CAST: variants seen among roughly 807,000 people sequenced by gnomAD.
CAST encodes the protein calpastatin, also known as MIR583 host.
CAST carries 76 observed loss-of-function variants against 119.6 expected under a neutral mutation model. That is an observed-to-expected ratio of 0.64 (90% confidence interval 0.53 to 0.77). The LOEUF (loss-of-function observed/expected upper bound fraction) is 0.77, where lower values mean the gene tolerates loss of function less well. CAST is among the 30% of genes least tolerant of loss of function. The pLI is 0.00. For missense variants in CAST, 953 were observed against 946.5 expected (o/e 1.01, Z -0.09); for synonymous variants, 319 against 331.6 (o/e 0.96, Z 0.41).
the CAST span, among the ~76,000 whole-genome samples, chr5:96,518,164 ATAG>A: frequency 2.0e-5 from 3 of 152,236 alleles, no homozygotes; most frequent in Non-Finnish European, 4.4e-5. Context: ...AGAAAAAAAC[ATAG>A]TAGTGAAGAC....
intron 1 of CAST, among the ~76,000 whole-genome samples, chr5:96,575,561 G>A (rs532200050): frequency 2.0e-5 from 3 of 152,066 alleles, no homozygotes; most frequent in Admixed American, 1.3e-4. Flanking sequence ...CTATCAAAAT[G>A]TGGTAATTCT....
chr5:96,398,838 A>T, the CAST span: 1 of 1,501,968 alleles, frequency 6.7e-7, no homozygotes, highest in East Asian at 2.3e-5. Flanking sequence ...CATTCAACTT[A>T]CACTTAAAAA....
rs1303914779 is a variant in CAST, at chr5:96,535,998, A to G, written c.60+6118A>G. Among the ~76,000 whole-genome samples the G allele has an allele frequency of 3.7e-5, 5 of 133,668 alleles. No homozygotes were observed. The South Asian group carries it at 7.4e-4, about 20-fold the overall frequency. The allele number at this position is 133,668 out of a possible 152,430, so 87.7% of individuals were successfully genotyped here. A position where few individuals can be genotyped will look rare whatever the true frequency, so the allele number is the denominator to read the frequency against. ...TTTAGTACATTTAAATCTTTTAACTATATGTTAAATAACCATATGTTAAAT... is the reference window on the plus strand; with the variant it reads ...TTTAGTACATTTAAATCTTTTAACTGTATGTTAAATAACCATATGTTAAAT... On this transcript the variant is annotated intron_variant, in intron 1 of 11. Transcript: ENST00000505143.
chr5:96,569,895 G>A (rs917152653), intron 1 of CAST, among the ~76,000 whole-genome samples: 1 of 152,102 alleles, frequency 6.6e-6, no homozygotes, highest in African/African-American at 2.4e-5. Context: ...CATCTGATTC[G>A]GCAGGGGTTT....
At chr5:96,087,817 A>G in the CAST span, among the ~76,000 whole-genome samples, 1 of 152,130 alleles carries the variant, frequency 6.6e-6, no homozygotes, top group African/African-American at 2.4e-5. Context: ...AGCAACCTCT[A>G]CCCAGCAACC....
At chr5:96,054,446 C>G in the CAST span, among the ~76,000 whole-genome samples, 2 of 151,956 alleles carry the variant, frequency 1.3e-5, no homozygotes, top group Non-Finnish European at 2.9e-5. Flanking sequence ...CCTTCTCCTT[C>G]CAGTTTTATT....
the CAST span, among the ~76,000 whole-genome samples, chr5:96,286,043 A>G: frequency 6.6e-6 from 1 of 152,300 alleles, no homozygotes; most frequent in East Asian, 1.9e-4. Flanking sequence ...TTATTTTAAC[A>G]TAGAAACAGA....
At chr5:96,666,778 T>C (rs946544519) in intron 1 of CAST, among the ~76,000 whole-genome samples, 16 of 152,196 alleles carry the variant, frequency 1.1e-4, no homozygotes, top group African/African-American at 3.9e-4. Context: ...AGGTTAATTA[T>C]ATTCTACAGG....
chr5:96,690,345 C>G (rs1752587306), intron 2 of CAST, among the ~76,000 whole-genome samples: 1 of 152,130 alleles, frequency 6.6e-6, no homozygotes, highest in South Asian at 2.1e-4. Context: ...GATTCTCCTA[C>G]CTCAGCCTCC....
intron 13 of CAST, 39 bp from the exon 14 acceptor site, chr5:96,741,227 C>A: frequency 1.8e-6 from 2 of 1,104,094 alleles, no homozygotes; most frequent in Non-Finnish European, 2.8e-6. Context: ...CACTTGAGTG[C>A]TTCCCGTAAG....
the CAST span, among the ~76,000 whole-genome samples, chr5:96,104,374 C>T: frequency 4.6e-5 from 7 of 152,252 alleles, no homozygotes; most frequent in South Asian, 6.2e-4. Context: ...TTAGGTCTAA[C>T]GTTTAAGTAT....
chr5:96,188,551 A>G, the CAST span, among the ~76,000 whole-genome samples: 1 of 151,972 alleles, frequency 6.6e-6, no homozygotes, highest in East Asian at 1.9e-4. Flanking sequence ...TGTCTATCCC[A>G]TTTCTTGTTT....
chr5:96,172,702 A>G, the CAST span, among the ~76,000 whole-genome samples: 1 of 152,212 alleles, frequency 6.6e-6, no homozygotes, highest in Non-Finnish European at 1.5e-5. Context: ...CTGAGTTGCA[A>G]ACAGATCCCT....
the CAST span, among the ~76,000 whole-genome samples, chr5:96,483,949 G>T: frequency 6.6e-6 from 1 of 152,090 alleles, no homozygotes; most frequent in Non-Finnish European, 1.5e-5. Context: ...GCAGCCTCTT[G>T]ACCGCCTATG....
At chr5:96,427,165 A>G in the CAST span, among the ~76,000 whole-genome samples, 2 of 152,216 alleles carry the variant, frequency 1.3e-5, no homozygotes, top group African/African-American at 4.8e-5. Context: ...GATTTGAAAG[A>G]ATATTATCCT....
chr5:96,214,008 A>G, the CAST span, among the ~76,000 whole-genome samples: 1 of 152,208 alleles, frequency 6.6e-6, no homozygotes, highest in Non-Finnish European at 1.5e-5. Context: ...TATATAATTA[A>G]TAGCAAATCT....
the CAST span, among the ~76,000 whole-genome samples, chr5:96,486,852 T>C: frequency 6.6e-6 from 1 of 152,180 alleles, no homozygotes; most frequent in South Asian, 2.1e-4. Context: ...GGTTATCATA[T>C]CATATCTATG....
chr5:96,293,570 C>A, the CAST span, among the ~76,000 whole-genome samples: 1 of 152,030 alleles, frequency 6.6e-6, no homozygotes, highest in Non-Finnish European at 1.5e-5. Context: ...GCCACCGCGC[C>A]TGGCCTCTAG....
chr5:96,362,661 A>G, the CAST span, among the ~76,000 whole-genome samples: 4 of 152,052 alleles, frequency 2.6e-5, no homozygotes, highest in South Asian at 2.1e-4. Flanking sequence ...CATATACTTT[A>G]CCCACTTTTT....
Sources: allele counts gnomAD v4.1 joint callset (sites outside exome capture counted in the v4.1 genomes callset), GRCh38; gene constraint gnomAD v4.1.1; transcripts MANE v1.5; gene names NCBI Gene and HGNC (gene_info 2026-07-23, HGNC 2026-07-21).